Variants in LRP5 observed in about 807,000 individuals in gnomAD.
LRP5 encodes LDL receptor related protein 5.
A neutral mutation model predicts 154.1 loss-of-function variants in LRP5; 62 were observed. That is an observed-to-expected ratio of 0.40 (90% CI 0.33 to 0.50). The LOEUF (loss-of-function observed/expected upper bound fraction) is 0.50, where lower values mean the gene tolerates loss of function less well. Among genes scored for constraint, LRP5 ranks in the 20% least tolerant of loss-of-function variants. The pLI is 0.55. For synonymous variants in LRP5, 966 were observed against 1,011.5 expected (o/e 0.96, Z 0.85); for missense variants, 1,915 against 2,336.7 (o/e 0.82, Z 3.72).
intron 12 of LRP5, among the ~76,000 whole-genome samples, chr11:68,416,069 T>C (rs1471425679): frequency 6.6e-6 from 1 of 151,540 alleles, no homozygotes; most frequent in Non-Finnish European, 1.5e-5. Flanking sequence ...AAAAAATAAA[T>C]AAATAAAAGA....
the LRP5 span, among the ~76,000 whole-genome samples, chr11:68,305,132 T>C: frequency 3.9e-5 from 6 of 152,132 alleles, no homozygotes; most frequent in East Asian, 1.2e-3. Flanking sequence ...TTCCCAATGT[T>C]GGGGGTGGGG....
intron 13 of LRP5, among the ~76,000 whole-genome samples, chr11:68,420,322 C>A (rs1215217632): frequency 6.6e-6 from 1 of 152,186 alleles, no homozygotes; most frequent in South Asian, 2.1e-4. Context: ...CCTTGTGTGA[C>A]TGGCTTCTTT....
In LRP5 at chr11:68,332,169, T is replaced by G. The variant is rs1591184020; in HGVS notation, c.92-15678T>G. 2.0e-5 allele frequency among the ~76,000 whole-genome samples: 3 copies of G among 152,308 alleles called. No individual in the cohort carries two copies. In the East Asian group the frequency reaches 5.8e-4, roughly 29 times the overall value. ...TCTTGTGGTCGTTAAGAAAAGCTTT[T>G]TATAATCCAAGTTGGTTTGGGAAGA... On this transcript the variant is annotated intron_variant, in intron 1 of 22. Coordinates refer to ENST00000294304, the MANE Select transcript of LRP5 (RefSeq NM_002335.4).
chr11:68,386,240 C>G lies in LRP5; in HGVS notation c.1016-76C>G. The G allele has an allele frequency of 6.3e-7, 1 of 1,579,898 alleles. No individual in the cohort carries two copies. Among genetic ancestry groups the G allele is most frequent in the Non-Finnish European group, 8.6e-7 (1 of 1,161,866 alleles). ...GGGGCCTGGCTGAGTATTTCCCTTG[C>G]CCGGCCCACCCCAGGCCTAGACTTG... is the stretch of plus-strand genomic sequence containing the variant. On this transcript the variant is annotated intron_variant, in intron 5 of 22. Coordinates refer to ENST00000294304, the MANE Select transcript of LRP5 (RefSeq NM_002335.4). This position sits in a 1 kb window ranked among gnomAD's most constrained non-coding sequence, Gnocchi z 7.9.
At chr11:68,361,432 CG>C (rs1423796152) in intron 3 of LRP5, among the ~76,000 whole-genome samples, 1 of 151,830 alleles carries the variant, frequency 6.6e-6, no homozygotes, top group African/African-American at 2.4e-5. Flanking sequence ...GTTAGGAGAT[CG>C]AGACCATCCT....
rs545586907 is a variant in LRP5 at position 68,448,977 on chromosome 11, G to A, written c.4755G>A (p.Ser1585=). 96 of 1,609,992 alleles carry A rather than the reference G, an allele frequency of 6.0e-5. No individual in the cohort carries two copies. Among genetic ancestry groups the A allele is most frequent in the Non-Finnish European group, 7.0e-5 (82 of 1,179,586 alleles). ...CCACGCCCCACAGCCAGTACCTGTCGGCGGAGGACAGCTGCCCGCCCTCGC... is the reference window on the plus strand; with the variant it reads ...CCACGCCCCACAGCCAGTACCTGTCAGCGGAGGACAGCTGCCCGCCCTCGC... The part of the protein sequence containing the change: ...PPPTPHSQYL[S]AEDSCPPSPA... The change falls in exon 23 of 23, where the codon TCG becomes TCA. Residue 1585 remains serine (S), a synonymous_variant. Transcript: ENST00000294304.
rs920041579 is a variant in LRP5, at chr11:68,413,108, A to G, written c.2504-581A>G. 1.5e-5 allele frequency: 3 copies of G among 197,558 alleles called. No homozygotes were observed. 12.2% of individuals were successfully genotyped at this position (197,558 alleles called of 1,614,324 possible). On this transcript the variant is annotated intron_variant, in intron 11 of 22. Transcript: ENST00000294304. The surrounding 1 kb of genome is among the most constrained non-coding windows in gnomAD (Gnocchi z 5.1). ...TGCAGCACATCCCGTGACCCAGCTC[A>G]TCCAGGCCGCATGCAAACCTGTTGC...
At chr11:68,337,415 G>A (rs181876414) in intron 1 of LRP5, among the ~76,000 whole-genome samples, 10 of 152,322 alleles carry the variant, frequency 6.6e-5, no homozygotes, top group African/African-American at 2.4e-4. Flanking sequence ...GAAGTTGTTT[G>A]TGAGGCATTG....
At chr11:68,349,655 G>A (rs562903875) in intron 2 of LRP5, among the ~76,000 whole-genome samples, 1 of 152,168 alleles carries the variant, frequency 6.6e-6, no homozygotes, top group Non-Finnish European at 1.5e-5. Context: ...GATCCCAGGT[G>A]GGGAGAGCGT....
At chr11:68,308,288 A>G (rs572560813), upstream of LRP5, among the ~76,000 whole-genome samples, 1 of 152,268 alleles carries the variant, frequency 6.6e-6, no homozygotes, top group Non-Finnish European at 1.5e-5. Context: ...GTAACTTCAC[A>G]GAGCCAGCAC....
chr11:68,300,242 A>C, the LRP5 span, among the ~76,000 whole-genome samples: 1 of 148,874 alleles, frequency 6.7e-6, no homozygotes, highest in Non-Finnish European at 1.5e-5. Flanking sequence ...CAAGCTGAGG[A>C]GATGGAGCTG....
chr11:68,400,446 G>A (rs566124375), intron 7 of LRP5, among the ~76,000 whole-genome samples: 71 of 152,152 alleles, frequency 4.7e-4, no homozygotes, highest in Non-Finnish European at 7.5e-4. Context: ...TGAGCTGGGC[G>A]CGGTGGCTCA....
Position 68,438,569 on chromosome 11 carries a change from G to A in LRP5, c.4235G>A (p.Cys1412Tyr). 6.2e-7 allele frequency: 1 copy of A among 1,614,144 alleles called. No homozygotes were observed. The highest frequency in any genetic ancestry group is 2.2e-5 in the East Asian group (1 of 44,886). The change falls in exon 20 of 23, where the codon TGC (cysteine) becomes TAC (tyrosine). Residue 1412 changes from cysteine to tyrosine, a missense_variant. Physicochemically the swap from Cys to Tyr is radical, Grantham distance 194. Coordinates refer to ENST00000294304, the MANE Select transcript of LRP5 (RefSeq NM_002335.4). Reference protein sequence around the residue: ...GVYFVCQRVVCQRYAGANGPF... With the variant: ...GVYFVCQRVVYQRYAGANGPF... ...TATTTTGTGTGCCAGCGCGTGGTGT[G>A]CCAGCGCTATGCGGGGGCCAACGGG...
At chr11:68,313,387 C>T (rs978030566) in intron 1 of LRP5, among the ~76,000 whole-genome samples, 5 of 152,186 alleles carry the variant, frequency 3.3e-5, no homozygotes, top group African/African-American at 9.6e-5. Flanking sequence ...ACCCGAATGC[C>T]CCGTGTGGCC....
At chr11:68,439,956 C>A in intron 21 of LRP5, 40 bp downstream of exon 21, 1 of 1,477,086 alleles carries the variant, frequency 6.8e-7, no homozygotes, top group Non-Finnish European at 9.0e-7. Flanking sequence ...CGGGATGGGG[C>A]TGTGGGCCCC....
At chr11:68,406,339 G>A (rs189552518) in intron 8 of LRP5, among the ~76,000 whole-genome samples, 185 bp from the exon 9 acceptor site, 3 of 152,328 alleles carry the variant, frequency 2.0e-5, no homozygotes, top group African/African-American at 4.8e-5. Flanking sequence ...TGAAAGGTGC[G>A]TGTGTGTTTG....
At chr11:68,319,902 A>G (rs1397112248) in intron 1 of LRP5, among the ~76,000 whole-genome samples, 1 of 152,164 alleles carries the variant, frequency 6.6e-6, no homozygotes, top group Non-Finnish European at 1.5e-5. Context: ...TCATCCAGGT[A>G]ATCCCAGCAC....
intron 13 of LRP5, among the ~76,000 whole-genome samples, chr11:68,418,397 A>G (rs1433945465): frequency 1.3e-5 from 2 of 151,442 alleles, no homozygotes; most frequent in African/African-American, 4.9e-5. Context: ...GCGAGACGCC[A>G]TCTCAAAAAA....
At chr11:68,410,413 GGTATCT>G (rs1177244343) in intron 10 of LRP5, among the ~76,000 whole-genome samples, 2 of 152,152 alleles carry the variant, frequency 1.3e-5, no homozygotes, top group Non-Finnish European at 2.9e-5. Context: ...GCGTAGGGTG[GGTATCT>G]GTGTCGATTT....
Sources: gnomAD v4.1 joint callset for allele counts (sites outside exome capture counted in the v4.1 genomes callset) on GRCh38, gnomAD v4.1.1 for gene constraint, Gnocchi (gnomAD v3.1) non-coding constraint, MANE v1.5 for transcripts, NCBI Gene and HGNC (gene_info 2026-07-23, HGNC 2026-07-21) for gene names.